The following ENPP1 variants were observed in gnomAD, a reference collection of about 807,000 sequenced individuals.
ENPP1 encodes ectonucleotide pyrophosphatase/phosphodiesterase 1, also known as ectonucleotide pyrophosphatase/phosphodiesterase family member 1.
A neutral mutation model predicts 122.8 loss-of-function variants in ENPP1; 73 were observed. The observed-to-expected ratio is 0.59, with a 90% CI of 0.49 to 0.72. The LOEUF (loss-of-function observed/expected upper bound fraction) is 0.72, where lower values mean the gene tolerates loss of function less well. Ranked by LOEUF, ENPP1 falls within the 30% of genes least tolerant of loss-of-function variation. The pLI, the probability that ENPP1 is intolerant of heterozygous loss-of-function variation, is 0.00. For missense variants in ENPP1, 978 were observed against 1,128.1 expected (o/e 0.87, Z 1.91); for synonymous variants, 367 against 391.6 (o/e 0.94, Z 0.74).
chr6:131,860,621 G>A, intron 8 of ENPP1, 115 bp downstream of exon 8: 1 of 777,662 alleles, frequency 1.3e-6, no homozygotes, highest in East Asian at 2.6e-5. Context: ...GTGTGTCTGT[G>A]GCCATTCTTT....
chr6:131,816,307 A>G (rs535736684), intron 1 of ENPP1, among the ~76,000 whole-genome samples: 1 of 152,292 alleles, frequency 6.6e-6, no homozygotes, highest in African/African-American at 2.4e-5. Context: ...TTTGGAATAC[A>G]ACTTGTAATT....
At chr6:131,875,232 T>G (rs1782214410) in intron 16 of ENPP1, among the ~76,000 whole-genome samples, 1 of 152,156 alleles carries the variant, frequency 6.6e-6, no homozygotes, top group South Asian at 2.1e-4. Flanking sequence ...TTAATAAAAT[T>G]TTATATTCAT....
intron 1 of ENPP1, among the ~76,000 whole-genome samples, chr6:131,808,749 G>T (rs1016136663): frequency 2.0e-5 from 3 of 152,126 alleles, no homozygotes; most frequent in Admixed American, 2.0e-4. Context: ...GGAACTCTAC[G>T]GAACACTTTT....
chr6:131,840,212 G>C (rs1267530482), intron 1 of ENPP1, among the ~76,000 whole-genome samples: 1 of 152,168 alleles, frequency 6.6e-6, no homozygotes, highest in African/African-American at 2.4e-5. Context: ...AGTAGCATGG[G>C]CTGGAAGGCC....
chr6:131,838,399 AAAAGAT>A (rs1482592161), intron 1 of ENPP1, among the ~76,000 whole-genome samples: 1 of 152,184 alleles, frequency 6.6e-6, no homozygotes, highest in East Asian at 1.9e-4. Context: ...GGAAGAATCT[AAAAGAT>A]GTACTTTAGG....
chr6:131,844,186 C>T (rs930085504), intron 1 of ENPP1, among the ~76,000 whole-genome samples: 5 of 152,234 alleles, frequency 3.3e-5, no homozygotes, highest in Non-Finnish European at 4.4e-5. Context: ...ATTTTGGCCA[C>T]TTGTGAGAGT....
chr6:131,884,900 T>G (rs376679479), intron 22 of ENPP1, 31 bp from the exon 23 acceptor site: 12 of 1,613,504 alleles, frequency 7.4e-6, no homozygotes, highest in Admixed American at 6.7e-5. Context: ...CTTGTTCTTT[T>G]GAAACTACAC....
intron 1 of ENPP1, among the ~76,000 whole-genome samples, chr6:131,828,614 A>G (rs1159639751): frequency 6.6e-6 from 1 of 152,154 alleles, no homozygotes; most frequent in East Asian, 1.9e-4. Flanking sequence ...CCACAGGGTC[A>G]ATGATGGATG....
intron 1 of ENPP1, among the ~76,000 whole-genome samples, chr6:131,845,710 C>G (rs974765815): frequency 1.3e-5 from 2 of 152,064 alleles, no homozygotes; most frequent in African/African-American, 4.8e-5. Context: ...CCCCCCACCT[C>G]AGCCTCTCAA....
At chr6:131,871,172 C>G (rs929554196) in intron 13 of ENPP1, among the ~76,000 whole-genome samples, 4 of 151,872 alleles carry the variant, frequency 2.6e-5, no homozygotes, top group Non-Finnish European at 4.4e-5. Context: ...TCAAGTTTCC[C>G]AAATTAAAGC....
At chr6:131,882,762 T>G (rs1389819799) in intron 21 of ENPP1, among the ~76,000 whole-genome samples, 1 of 151,238 alleles carries the variant, frequency 6.6e-6, no homozygotes, top group Non-Finnish European at 1.5e-5. Context: ...ACTTGAATTT[T>G]ATAAAATTTT....
At chr6:131,876,717 G>A (rs1782234305) in intron 17 of ENPP1, among the ~76,000 whole-genome samples, 1 of 152,080 alleles carries the variant, frequency 6.6e-6, no homozygotes, top group Admixed American at 6.5e-5. Flanking sequence ...TACCATGATT[G>A]GCAAAAATAT....
intron 5 of ENPP1, among the ~76,000 whole-genome samples, chr6:131,854,244 A>T (rs939994622): frequency 5.3e-5 from 8 of 151,848 alleles, no homozygotes; most frequent in East Asian, 1.9e-4. Context: ...ATGTCTACAA[A>T]AAATAAATAA....
Position 131,808,253 on chromosome 6 carries a change from A to G in ENPP1, c.218A>G (p.Asn73Ser), listed in dbSNP as rs1389455523. Residue 73 changes from asparagine (N) to serine (S), a missense_variant, in exon 1 of 25, where the codon AAC becomes AGC. By Grantham distance (46) the Asn-to-Ser change is conservative. This residue lies in a region of ENPP1 where 330 missense variants were observed against 328.5 expected (regional missense o/e 1.00). Transcript: ENST00000647893. Reference protein sequence around the residue: ...AARARTAKDPNTYKVLSLVLS... With the variant: ...AARARTAKDPSTYKVLSLVLS... The stretch of plus-strand genomic sequence containing the variant: ...CGCGCCCGCACTGCCAAGGACCCCA[A>G]CACCTATAAAGTACTCTCGCTGGTA... The G allele has an allele frequency of 1.3e-6, 2 of 1,518,340 alleles. No homozygotes were observed. Among genetic ancestry groups the G allele is most frequent in the South Asian group, 1.2e-5 (1 of 80,496 alleles). The allele number at this position is 1,518,340 out of a possible 1,614,324, so 94.1% of individuals were successfully genotyped here. A position where few individuals can be genotyped will look rare whatever the true frequency, so the allele number is the denominator to read the frequency against.
At chr6:131,846,602 G>A (rs908249269) in intron 1 of ENPP1, among the ~76,000 whole-genome samples, 12 of 152,098 alleles carry the variant, frequency 7.9e-5, no homozygotes, top group Non-Finnish European at 1.3e-4. Context: ...CTTTGCAGGC[G>A]GTTTGTAGGG....
intron 1 of ENPP1, among the ~76,000 whole-genome samples, chr6:131,836,415 A>AGT (rs71809355): frequency 0.033 from 5,024 of 150,610 alleles, 92 homozygotes; most frequent in African/African-American, 0.048. Context: ...CACCCAGCCG[A>AGT]GTGTGTGTGT....
intron 12 of ENPP1, 85 bp downstream of exon 12, chr6:131,868,211 T>G: frequency 1.0e-6 from 1 of 968,392 alleles, no homozygotes; most frequent in Non-Finnish European, 1.7e-6. Flanking sequence ...TTCTGAATGT[T>G]GTAGTTAATT....
intron 1 of ENPP1, among the ~76,000 whole-genome samples, chr6:131,817,988 A>C (rs1781437316): frequency 6.6e-6 from 1 of 152,054 alleles, no homozygotes; most frequent in Non-Finnish European, 1.5e-5. Context: ...AGTCTTAAAA[A>C]AAAATCACTA....
chr6:131,866,226 A>G (rs1433284724), intron 11 of ENPP1, among the ~76,000 whole-genome samples: 1 of 152,020 alleles, frequency 6.6e-6, no homozygotes, highest in Non-Finnish European at 1.5e-5. Context: ...CCAAGGGGTC[A>G]TAGACTATTA....
Sources: allele counts gnomAD v4.1 joint callset (sites outside exome capture counted in the v4.1 genomes callset), GRCh38; gene constraint gnomAD v4.1.1; regional missense constraint gnomAD v4.1.1; transcripts MANE v1.5; gene names NCBI Gene and HGNC (gene_info 2026-07-23, HGNC 2026-07-21).